Variants in NEO1 observed in about 807,000 individuals in gnomAD.
The protein encoded by NEO1 is neogenin.
Under a neutral mutation model 159.7 loss-of-function variants are expected in NEO1, and 63 were observed. The observed-to-expected ratio is 0.39, with a 90% CI of 0.32 to 0.49. NEO1 has a LOEUF of 0.49. Among genes scored for constraint, NEO1 ranks in the 20% least tolerant of loss-of-function variants. The probability of loss-of-function intolerance (pLI) is 0.85; values close to 1 mark genes in which losing one functional copy is unlikely to be tolerated. For missense variants in NEO1, 1,615 were observed against 1,831.0 expected, an observed-to-expected ratio of 0.88 and a Z score of 2.15; for synonymous variants, 633 against 662.0, an observed-to-expected ratio of 0.96 and a Z score of 0.67.
intron 7 of NEO1, 148 bp from the exon 8 acceptor site, chr15:73,236,199 T>C (rs2039160327): frequency 1.8e-6 from 2 of 1,084,628 alleles, no homozygotes; most frequent in Non-Finnish European, 2.7e-6. Flanking sequence ...TTTTGTTTAT[T>C]TCTTTTTTGT....
At position 73,283,760 on chromosome 15, in the gene NEO1, A is replaced by C. The variant is rs533095401; in HGVS notation, c.3410+649A>C. Reference sequence around the variant, plus strand: ...TGGAGCACCATCTGTACATGCCCACAGTGAACCCGATGCCCAGGAGTCTGT... The same window carrying C: ...TGGAGCACCATCTGTACATGCCCACCGTGAACCCGATGCCCAGGAGTCTGT... On this transcript the variant is annotated intron_variant, in intron 23 of 28. Coordinates refer to ENST00000261908, the MANE Select transcript of NEO1 (RefSeq NM_002499.4). 5.9e-5 allele frequency among the ~76,000 whole-genome samples: 9 copies of C among 152,344 alleles called. No individual in the cohort carries two copies. In the East Asian group the frequency reaches 1.7e-3, roughly 29 times the overall value.
rs1230188017 is a variant in NEO1 at position 73,116,777 on chromosome 15, A to T, written c.368A>T (p.Asp123Val). Residue 123 changes from aspartate (D) to valine (V), a missense_variant, in exon 2 of 29, where the codon GAT becomes GTT. Coordinates refer to ENST00000261908, the MANE Select transcript of NEO1 (RefSeq NM_002499.4). ...NVVHSKHNKP[D>V]EGYYQCVATV... ...GTGCATTCCAAACACAATAAACCTGATGAAGGTTATTATCAGTGTGTGGCC... is the reference window on the plus strand; with the variant it reads ...GTGCATTCCAAACACAATAAACCTGTTGAAGGTTATTATCAGTGTGTGGCC... The T allele has an allele frequency of 6.2e-7, 1 of 1,613,726 alleles. No individual in the cohort carries two copies. Among genetic ancestry groups the T allele is most frequent in the Admixed American group, 1.7e-5 (1 of 59,972 alleles).
Position 73,270,312 on chromosome 15 carries a change from T to C in NEO1, c.2719-4T>C, listed in dbSNP as rs200515753. 1.9e-6 allele frequency: 3 copies of C among 1,613,996 alleles called. No individual in the cohort carries two copies. Among genetic ancestry groups the C allele is most frequent in the East Asian group, 4.5e-5 (2 of 44,890 alleles). On this transcript the variant is annotated splice_region_variant and splice_polypyrimidine_tract_variant and intron_variant, in intron 17 of 28. Transcript: ENST00000261908. ...TTTAAAGTCTCAATTCATGTTTTTT[T>C]CAGAATGCAAATGCAACCACTTTGA...
intron 22 of NEO1, among the ~76,000 whole-genome samples, chr15:73,281,478 A>G (rs2041710705): frequency 6.6e-6 from 1 of 151,932 alleles, no homozygotes; most frequent in Non-Finnish European, 1.5e-5. Context: ...GATGGTCTCG[A>G]TCTCCTGACC....
chr15:73,116,945 T>C, intron 2 of NEO1, 88 bp downstream of exon 2: 2 of 1,067,682 alleles, frequency 1.9e-6, no homozygotes, highest in South Asian at 1.7e-5. Flanking sequence ...GAGTTTTCTT[T>C]TAATTAGTAG....
At chr15:73,248,050 G>C (rs1050622890) in intron 9 of NEO1, among the ~76,000 whole-genome samples, 1 of 152,168 alleles carries the variant, frequency 6.6e-6, no homozygotes, top group African/African-American at 2.4e-5. Flanking sequence ...ACTTGGGAAA[G>C]ATTGTTAACT....
chr15:73,225,353 G>A (rs538033763), intron 7 of NEO1, among the ~76,000 whole-genome samples: 7 of 152,186 alleles, frequency 4.6e-5, no homozygotes, highest in Admixed American at 6.5e-5. Flanking sequence ...AGGTGCGCGG[G>A]GTCCTAGAAC....
intron 4 of NEO1, among the ~76,000 whole-genome samples, chr15:73,130,319 C>T (rs916312527): frequency 7.3e-5 from 11 of 150,836 alleles, no homozygotes; most frequent in South Asian, 4.3e-4. Flanking sequence ...CCCCCCCCGC[C>T]GCATAAGACC....
chr15:73,143,120 T>C (rs1421501662), intron 5 of NEO1: 1 of 153,734 alleles, frequency 6.5e-6, no homozygotes, highest in Non-Finnish European at 1.5e-5. Flanking sequence ...CAGGTTGTAG[T>C]GGATCTACAT....
intron 7 of NEO1, among the ~76,000 whole-genome samples, chr15:73,217,067 A>G (rs2037935276): frequency 1.3e-5 from 2 of 152,156 alleles, no homozygotes; most frequent in Admixed American, 6.6e-5. Context: ...TTTCAGGTCT[A>G]ACATTTAAGT....
chr15:73,165,775 C>T (rs2034530058), intron 5 of NEO1, among the ~76,000 whole-genome samples: 1 of 152,152 alleles, frequency 6.6e-6, no homozygotes, highest in African/African-American at 2.4e-5. Flanking sequence ...CAGTTGAATG[C>T]AAAGGCTTTT....
chr15:73,208,005 A>G (rs1344885962), intron 7 of NEO1, among the ~76,000 whole-genome samples: 1 of 152,204 alleles, frequency 6.6e-6, no homozygotes, highest in East Asian at 1.9e-4. Context: ...GAAAATTTCA[A>G]GGAGATTCAG....
At chr15:73,190,036 T>A (rs1353780160) in intron 7 of NEO1, among the ~76,000 whole-genome samples, 1 of 152,156 alleles carries the variant, frequency 6.6e-6, no homozygotes, top group Admixed American at 6.5e-5. Context: ...CAGATTAACA[T>A]TGCCTGTCAT....
chr15:73,292,308 A>G (rs560255397), intron 25 of NEO1, among the ~76,000 whole-genome samples: 63 of 152,256 alleles, frequency 4.1e-4, no homozygotes, highest in African/African-American at 1.5e-3. Flanking sequence ...AGACATTTCA[A>G]TAGGCCACTA....
At chr15:73,243,493 A>G (rs1208092787) in intron 8 of NEO1, among the ~76,000 whole-genome samples, 3 of 152,240 alleles carry the variant, frequency 2.0e-5, no homozygotes, top group African/African-American at 7.2e-5. Flanking sequence ...CTGTTTGTCT[A>G]AAACAAATTC....
chr15:73,239,392 A>G (rs1345514352), intron 8 of NEO1, among the ~76,000 whole-genome samples: 2 of 152,096 alleles, frequency 1.3e-5, no homozygotes, highest in African/African-American at 2.4e-5. Flanking sequence ...TCATACAAAC[A>G]CGTTTATTTA....
intron 7 of NEO1, among the ~76,000 whole-genome samples, chr15:73,218,356 A>G (rs1347205040): frequency 6.6e-6 from 1 of 150,710 alleles, no homozygotes; most frequent in Non-Finnish European, 1.5e-5. Context: ...TTTTGCATCA[A>G]TGTTCATCAA....
At chr15:73,135,396 T>C (rs1299893957) in intron 4 of NEO1, among the ~76,000 whole-genome samples, 3 of 152,116 alleles carry the variant, frequency 2.0e-5, no homozygotes, top group Non-Finnish European at 4.4e-5. Context: ...TAAGCTACCA[T>C]AGGGAAACTT....
At chr15:73,095,360 G>A (rs1004297620) in intron 1 of NEO1, among the ~76,000 whole-genome samples, 1 of 152,144 alleles carries the variant, frequency 6.6e-6, no homozygotes, top group Non-Finnish European at 1.5e-5. Context: ...CAGCAACTGT[G>A]TGTAGCCTGA....
Sources: allele counts gnomAD v4.1 joint callset (sites outside exome capture counted in the v4.1 genomes callset), GRCh38; gene constraint gnomAD v4.1.1; transcripts MANE v1.5; gene names NCBI Gene and HGNC (gene_info 2026-07-23, HGNC 2026-07-21).